The following ZNF385D variants were observed in gnomAD, a reference collection of about 807,000 sequenced individuals.
The protein encoded by ZNF385D is zinc finger protein 385D.
Under a neutral mutation model 35.8 loss-of-function variants are expected in ZNF385D, and 15 were observed. That is an observed-to-expected ratio of 0.42 (90% CI 0.28 to 0.64). ZNF385D has a LOEUF of 0.64. Among genes scored for constraint, ZNF385D ranks in the 30% least tolerant of loss-of-function variants. The pLI is 0.23. For missense variants in ZNF385D, 474 were observed against 494.6 expected (o/e 0.96, Z 0.39); for synonymous variants, 212 against 186.8 (o/e 1.13, Z -1.10).
At chr3:22,348,117 T>A (rs1695742223) in intron 2 of ZNF385D, among the ~76,000 whole-genome samples, 1 of 152,144 alleles carries the variant, frequency 6.6e-6, no homozygotes, top group Non-Finnish European at 1.5e-5. Context: ...GAGCCTATAT[T>A]AATAGGAGAA....
intron 2 of ZNF385D, among the ~76,000 whole-genome samples, chr3:22,236,847 T>C (rs1024559515): frequency 6.6e-6 from 1 of 152,204 alleles, no homozygotes; most frequent in Non-Finnish European, 1.5e-5. Flanking sequence ...TTAGTGAATG[T>C]AGCATGGATC....
At chr3:22,071,181 C>T (rs2125562688) in intron 3 of ZNF385D, among the ~76,000 whole-genome samples, 1 of 152,234 alleles carries the variant, frequency 6.6e-6, no homozygotes, top group East Asian at 1.9e-4. Flanking sequence ...TTAGCTTTCT[C>T]TTATTCTCTT....
intron 2 of ZNF385D, among the ~76,000 whole-genome samples, chr3:22,232,163 A>G (rs1176564696): frequency 6.6e-6 from 1 of 152,168 alleles, no homozygotes; most frequent in Non-Finnish European, 1.5e-5. Context: ...TCTTGCGCTC[A>G]TATTGTAACT....
intron 2 of ZNF385D, among the ~76,000 whole-genome samples, chr3:22,319,745 A>T (rs1694310768): frequency 6.6e-6 from 1 of 152,184 alleles, no homozygotes; most frequent in Admixed American, 6.5e-5. Context: ...TCAGAAAAAC[A>T]CTGGGAGGTC....
At chr3:21,948,180 CTCTTT>C (rs1701888676) in intron 3 of ZNF385D, among the ~76,000 whole-genome samples, 1 of 152,040 alleles carries the variant, frequency 6.6e-6, no homozygotes, top group Non-Finnish European at 1.5e-5. Flanking sequence ...ATGGATTCTT[CTCTTT>C]TCTTAATTAT....
chr3:21,427,393 T>G (rs1258977985), intron 5 of ZNF385D, among the ~76,000 whole-genome samples: 4 of 152,190 alleles, frequency 2.6e-5, no homozygotes, highest in Non-Finnish European at 5.9e-5. Context: ...CTGATTTTCT[T>G]GAGGCATTCC....
intron 2 of ZNF385D, among the ~76,000 whole-genome samples, chr3:22,211,122 T>G (rs934691667): frequency 1.3e-5 from 2 of 151,768 alleles, no homozygotes; most frequent in Admixed American, 6.6e-5. Context: ...GTAGAAGGAG[T>G]GTGTTTGCAA....
chr3:21,498,450 G>A (rs1270336669), intron 4 of ZNF385D, among the ~76,000 whole-genome samples: 1 of 152,050 alleles, frequency 6.6e-6, no homozygotes, highest in African/African-American at 2.4e-5. Flanking sequence ...GAATATATTT[G>A]CAAACTATCA....
intron 2 of ZNF385D, among the ~76,000 whole-genome samples, chr3:22,207,727 C>T (rs1697248462): frequency 1.3e-5 from 2 of 151,828 alleles, no homozygotes; most frequent in African/African-American, 4.8e-5. Flanking sequence ...ATATAAAGAG[C>T]TCAAACAACT....
chr3:21,689,572 T>G (rs2067215778), intron 1 of ZNF385D, among the ~76,000 whole-genome samples: 1 of 152,188 alleles, frequency 6.6e-6, no homozygotes, highest in African/African-American at 2.4e-5. Flanking sequence ...TTCATATGCA[T>G]TTAGTTCACA....
At chr3:21,636,523 T>TG (rs1260824956) in intron 2 of ZNF385D, among the ~76,000 whole-genome samples, 2 of 150,738 alleles carry the variant, frequency 1.3e-5, no homozygotes, top group African/African-American at 4.9e-5. Context: ...CTGAAGAACT[T>TG]GGAGTCTGAC....
At chr3:22,171,955 G>T (rs554805495) in intron 2 of ZNF385D, among the ~76,000 whole-genome samples, 2 of 151,346 alleles carry the variant, frequency 1.3e-5, no homozygotes, top group South Asian at 4.2e-4. Flanking sequence ...CTCTGAAGTA[G>T]GAGGCAATAT....
intron 3 of ZNF385D, among the ~76,000 whole-genome samples, chr3:21,853,271 G>A (rs554441334): frequency 2.5e-4 from 38 of 151,876 alleles, no homozygotes; most frequent in African/African-American, 7.0e-4. Flanking sequence ...TCCATAAAAG[G>A]ACAGTAAAAG....
chr3:22,156,720 C>G (rs1056731595), intron 3 of ZNF385D, among the ~76,000 whole-genome samples: 1 of 152,016 alleles, frequency 6.6e-6, no homozygotes, highest in African/African-American at 2.4e-5. Context: ...CCCTTTTTCC[C>G]TTACTGACTT....
intron 3 of ZNF385D, among the ~76,000 whole-genome samples, chr3:22,098,366 G>A (rs1355674663): frequency 6.6e-6 from 1 of 152,030 alleles, no homozygotes; most frequent in Non-Finnish European, 1.5e-5. Flanking sequence ...ATCATTTAAT[G>A]AACACAATTT....
chr3:22,230,866 T>C (rs145882840), intron 2 of ZNF385D, among the ~76,000 whole-genome samples: 2 of 152,128 alleles, frequency 1.3e-5, no homozygotes, highest in Non-Finnish European at 1.5e-5. Context: ...AAAAAGTGTG[T>C]GGTTAAGCCA....
At chr3:21,705,115 T>C (rs1173181123) in intron 1 of ZNF385D, among the ~76,000 whole-genome samples, 1 of 152,230 alleles carries the variant, frequency 6.6e-6, no homozygotes, top group Non-Finnish European at 1.5e-5. Flanking sequence ...GTTTTTTCCA[T>C]GTTAAAATCT....
intron 2 of ZNF385D, among the ~76,000 whole-genome samples, chr3:21,662,392 C>G (rs2066266243): frequency 6.6e-6 from 1 of 152,098 alleles, no homozygotes; most frequent in Admixed American, 6.6e-5. Flanking sequence ...TTAGCATACC[C>G]TGAAACAAAA....
chr3:21,499,619 TA>T (rs1706214838), intron 4 of ZNF385D, among the ~76,000 whole-genome samples: 1 of 147,986 alleles, frequency 6.8e-6, no homozygotes, highest in South Asian at 2.2e-4. Context: ...AATGCACCAC[TA>T]AACCTAATAA....
Sources: allele counts gnomAD v4.1 joint callset (sites outside exome capture counted in the v4.1 genomes callset), GRCh38; gene constraint gnomAD v4.1.1; transcripts MANE v1.5; gene names NCBI Gene and HGNC (gene_info 2026-07-23, HGNC 2026-07-21).